The following DPPA5 variants were observed in gnomAD, a reference collection of about 807,000 sequenced individuals.
DPPA5 encodes the protein developmental pluripotency associated 5.
A neutral mutation model predicts 11.3 loss-of-function variants in DPPA5; 11 were observed. That is an observed-to-expected ratio of 0.97 (90% CI 0.61 to 1.61). The LOEUF is 1.61. Ranked by LOEUF, DPPA5 falls within the 40% of genes most tolerant of loss-of-function variation. DPPA5 has a pLI of 0.00. For missense variants in DPPA5, 132 were observed against 151.8 expected, an observed-to-expected ratio of 0.87 and a Z score of 0.68; for synonymous variants, 53 against 59.2, an observed-to-expected ratio of 0.90 and a Z score of 0.48.
chr6:73,353,124 A>G lies in DPPA5; in HGVS notation c.*196T>C. 1.7e-6 allele frequency: 1 copy of G among 591,940 alleles called. No individual in the cohort carries two copies. Among genetic ancestry groups the G allele is most frequent in the East Asian group, 2.8e-5 (1 of 35,172 alleles). 36.7% of individuals were successfully genotyped at this position (591,940 alleles called of 1,614,324 possible). A position where few individuals can be genotyped will look rare whatever the true frequency, so the allele number is the denominator to read the frequency against. Reference sequence around the variant, plus strand: ...TGGGAAAAAAGAAAAAACACTTTTTATTAACAATCATCAAAGAAATATTCA... The same window carrying G: ...TGGGAAAAAAGAAAAAACACTTTTTGTTAACAATCATCAAAGAAATATTCA... On this transcript the variant is annotated 3_prime_UTR_variant, in exon 3 of 3. Coordinates refer to ENST00000370370, the MANE Select transcript of DPPA5 (RefSeq NM_001025290.3).
chr6:73,353,797 C>A, intron 2 of DPPA5, 56 bp downstream of exon 2: 2 of 1,573,664 alleles, frequency 1.3e-6, no homozygotes, highest in East Asian at 2.3e-5. Flanking sequence ...GGAGGAGAGG[C>A]GCGAAGCGGC....
At chr6:73,353,414 G>A in intron 2 of DPPA5, 36 bp from the exon 3 acceptor site, 1 of 1,613,790 alleles carries the variant, frequency 6.2e-7, no homozygotes, top group South Asian at 1.1e-5. Context: ...GTGAGTCTGG[G>A]GGAAAATAGT....
chr6:73,353,349 C>G lies in DPPA5; in HGVS notation c.322G>C (p.Ala108Pro), dbSNP rs756401898. The G allele has an allele frequency of 1.2e-6, 2 of 1,614,104 alleles. No homozygotes were observed. Among genetic ancestry groups the G allele is most frequent in the Non-Finnish European group, 1.7e-6 (2 of 1,180,014 alleles). The change falls in exon 3 of 3, where the codon GCC becomes CCC. Residue 108 changes from alanine (A) to proline (P), a missense_variant. By Grantham distance (27) the Ala-to-Pro change is conservative. Transcript: ENST00000370370. The part of the protein sequence containing the change: ...GMLKLAEAMN[A>P]LELGPWMK ...TTCATCCAAGGGCCTAGTTCGAGGG[C>G]ATTCATGGCTTCGGCAAGTTTGAGC...
chr6:73,353,667 G>C (rs1460364787), intron 2 of DPPA5, among the ~76,000 whole-genome samples, 186 bp downstream of exon 2: 1 of 152,172 alleles, frequency 6.6e-6, no homozygotes, highest in Non-Finnish European at 1.5e-5. Flanking sequence ...CAAGACCGAC[G>C]GCCGGCATTC....
Position 73,354,131 on chromosome 6 carries a change from A to T in DPPA5, c.95T>A (p.Leu32Gln). The T allele has an allele frequency of 6.2e-7, 1 of 1,614,164 alleles. No homozygotes were observed. ...DPEVFQVQTR[L>Q]LKAIFGPDGS... ...ACACTCACCGAAAATGGCTTTCAGC[A>T]GCCGCGTCTGGACCTGGAACACCTC... Residue 32 changes from leucine (L) to glutamine (Q), a missense_variant, in exon 1 of 3, where the codon CTG (leucine) becomes CAG (glutamine). Physicochemically the swap from Leu to Gln is moderately radical, Grantham distance 113. Transcript: ENST00000370370.
chr6:73,354,270 C>A lies in DPPA5; in HGVS notation c.-45G>T. 1 of 1,593,496 alleles carries A rather than the reference C, an allele frequency of 6.3e-7. No homozygotes were observed. Among genetic ancestry groups the A allele is most frequent in the Non-Finnish European group, 8.6e-7 (1 of 1,165,516 alleles). ...AGACCACTCTCCAGCGCAAACCAGG[C>A]CTAATCACGCCGGCCGAGGCTCAGG... On this transcript the variant is annotated 5_prime_UTR_variant, in exon 1 of 3. Transcript: ENST00000370370.
Position 73,354,246 on chromosome 6 carries a change from G to C in DPPA5, c.-21C>G. 1.2e-6 allele frequency: 2 copies of C among 1,612,474 alleles called. No homozygotes were observed. On this transcript the variant is annotated 5_prime_UTR_variant, in exon 1 of 3. Coordinates refer to ENST00000370370, the MANE Select transcript of DPPA5 (RefSeq NM_001025290.3). ...CCCATCTTATGACCCTCACAACCAA[G>C]ACCACTCTCCAGCGCAAACCAGGCC...
chr6:73,353,372 AGCATCCCT>A lies in DPPA5; in HGVS notation c.293-2_298del. The A allele has an allele frequency of 5.0e-6, 8 of 1,614,128 alleles. No individual in the cohort carries two copies. The highest frequency in any genetic ancestry group is 1.6e-4 in the Middle Eastern group (1 of 6,062). On this transcript the variant is annotated splice_acceptor_variant and coding_sequence_variant, in exon 3 of 3. Transcript: ENST00000370370. LOFTEE classifies it high-confidence loss of function. ...GGCATTCATGGCTTCGGCAAGTTTGAGCATCCCTGCACCAGAAATAGCAACAGCGGCGT... is the reference window on the plus strand; with the variant it reads ...GGCATTCATGGCTTCGGCAAGTTTGAGCACCAGAAATAGCAACAGCGGCGT...
In DPPA5 at chr6:73,354,257, A is replaced by G. The variant is rs779914733; in HGVS notation, c.-32T>C. ...ACCCTCACAACCAAGACCACTCTCCAGCGCAAACCAGGCCTAATCACGCCG... is the reference window on the plus strand; with the variant it reads ...ACCCTCACAACCAAGACCACTCTCCGGCGCAAACCAGGCCTAATCACGCCG... On this transcript the variant is annotated 5_prime_UTR_variant, in exon 1 of 3. Transcript: ENST00000370370. 3.7e-6 allele frequency: 6 copies of G among 1,607,612 alleles called. No individual in the cohort carries two copies. The highest frequency in any genetic ancestry group is 1.7e-5 in the Admixed American group (1 of 59,414).
Position 73,353,071 on chromosome 6 carries a change from T to C in DPPA5, c.*249A>G, listed in dbSNP as rs1178969765. ...TCAACCACACTGAACTATCAACTTA[T>C]TTAAAACTTTATTGTTATTTTTAAA... On this transcript the variant is annotated 3_prime_UTR_variant, in exon 3 of 3. Transcript: ENST00000370370. 2.0e-6 allele frequency: 1 copy of C among 494,676 alleles called. No individual in the cohort carries two copies. Among genetic ancestry groups the C allele is most frequent in the Non-Finnish European group, 3.6e-6 (1 of 276,088 alleles). The allele number at this position is 494,676 out of a possible 1,614,324, so 30.6% of individuals were successfully genotyped here. A position where few individuals can be genotyped will look rare whatever the true frequency, so the allele number is the denominator to read the frequency against.
intron 2 of DPPA5, 89 bp from the exon 3 acceptor site, chr6:73,353,467 G>A: frequency 6.5e-7 from 1 of 1,533,504 alleles, no homozygotes; most frequent in Non-Finnish European, 9.0e-7. Context: ...GTTCGTTTCT[G>A]GGACTTCTGA....
At chr6:73,353,751 T>C in intron 2 of DPPA5, 102 bp downstream of exon 2, 2 of 1,431,364 alleles carry the variant, frequency 1.4e-6, no homozygotes, top group Non-Finnish European at 9.3e-7. Context: ...CCCAAGGTGC[T>C]GGCAGCGAGC....
In DPPA5 at chr6:73,354,199, A is replaced by G; in HGVS notation, c.27T>C (p.His9=). 1 of 1,614,164 alleles carries G rather than the reference A, an allele frequency of 6.2e-7. No individual in the cohort carries two copies. The highest frequency in any genetic ancestry group is 8.5e-7 in the Non-Finnish European group (1 of 1,180,010). The change falls in exon 1 of 3, where the codon CAT becomes CAC. Residue 9 remains histidine, a synonymous_variant. Transcript: ENST00000370370. ...CGGGAACTTTCACCCACGGCGGGAT[A>G]TGTCTACGTGCCGGGAGAGTTCCCA... MGTLPARR[H]IPPWVKVPED...
In DPPA5 at chr6:73,353,298, AT is replaced by A. The variant is rs1202125194; in HGVS notation, c.*21del. On this transcript the variant is annotated 3_prime_UTR_variant, in exon 3 of 3. Coordinates refer to ENST00000370370, the MANE Select transcript of DPPA5 (RefSeq NM_001025290.3). ...AACCTAATCTCTGCAACCCGGCTTC[AT>A]TGCATTGGCTGGAAACTGGTTCACT... is the stretch of plus-strand genomic sequence containing the variant. 1 of 1,613,946 alleles carries A rather than the reference AT, an allele frequency of 6.2e-7. No individual in the cohort carries two copies. The highest frequency in any genetic ancestry group is 1.3e-5 in the African/African-American group (1 of 74,898).
chr6:73,353,216 C>G lies in DPPA5; in HGVS notation c.*104G>C, dbSNP rs1213414629. The G allele has an allele frequency of 2.1e-6, 3 of 1,440,526 alleles. No homozygotes were observed. The highest frequency in any genetic ancestry group is 2.9e-6 in the Non-Finnish European group (3 of 1,026,478). The allele number at this position is 1,440,526 out of a possible 1,614,324, so 89.2% of individuals were successfully genotyped here. A position where few individuals can be genotyped will look rare whatever the true frequency, so the allele number is the denominator to read the frequency against. On this transcript the variant is annotated 3_prime_UTR_variant, in exon 3 of 3. Coordinates refer to ENST00000370370, the MANE Select transcript of DPPA5 (RefSeq NM_001025290.3). ...GGGAACAAATGGTTTTCCCTTAACT[C>G]TTTAGGCTGGAGCAGATTTTAAAAC... is the stretch of plus-strand genomic sequence containing the variant.
chr6:73,353,455 G>A (rs987021354), intron 2 of DPPA5, 77 bp from the exon 3 acceptor site: 2 of 1,590,098 alleles, frequency 1.3e-6, no homozygotes, highest in African/African-American at 2.7e-5. Context: ...GCCTCTTTCA[G>A]GGTTCGTTTC....
At chr6:73,353,456 G>C in intron 2 of DPPA5, 78 bp from the exon 3 acceptor site, 1 of 1,586,242 alleles carries the variant, frequency 6.3e-7, no homozygotes, top group Non-Finnish European at 8.6e-7. Flanking sequence ...CCTCTTTCAG[G>C]GTTCGTTTCT....
At chr6:73,353,428 C>T (rs1468146558) in intron 2 of DPPA5, 50 bp from the exon 3 acceptor site, 2 of 1,609,136 alleles carry the variant, frequency 1.2e-6, no homozygotes, top group Non-Finnish European at 1.7e-6. Context: ...AAATAGTAAG[C>T]GCCCGGACTG....
Position 73,353,298 on chromosome 6 carries a change from A to T in DPPA5, c.*22T>A. The T allele has an allele frequency of 6.2e-7, 1 of 1,614,064 alleles. No individual in the cohort carries two copies. The highest frequency in any genetic ancestry group is 8.5e-7 in the Non-Finnish European group (1 of 1,179,978). ...AACCTAATCTCTGCAACCCGGCTTC[A>T]TTGCATTGGCTGGAAACTGGTTCAC... On this transcript the variant is annotated 3_prime_UTR_variant, in exon 3 of 3. Coordinates refer to ENST00000370370, the MANE Select transcript of DPPA5 (RefSeq NM_001025290.3).
Sources: allele counts gnomAD v4.1 joint callset (sites outside exome capture counted in the v4.1 genomes callset), GRCh38; gene constraint gnomAD v4.1.1; transcripts MANE v1.5; gene names NCBI Gene and HGNC (gene_info 2026-07-23, HGNC 2026-07-21).